The following SMARCAL1 variants were observed in gnomAD, a reference collection of about 807,000 sequenced individuals.
SMARCAL1 encodes the protein SNF2 related chromatin remodeling annealing helicase 1, also known as ATP-driven annealing helicase.
SMARCAL1 carries 58 observed loss-of-function variants against 94.5 expected under a neutral mutation model. That is an observed-to-expected ratio of 0.61 (90% CI 0.50 to 0.76). The LOEUF is 0.76. Ranked by LOEUF, SMARCAL1 falls within the 30% of genes least tolerant of loss-of-function variation. SMARCAL1 has a pLI of 0.00. For synonymous variants in SMARCAL1, 422 were observed against 455.1 expected, an observed-to-expected ratio of 0.93 and a Z score of 0.93; for missense variants, 1,051 against 1,177.9, an observed-to-expected ratio of 0.89 and a Z score of 1.58.
At chr2:216,450,487 T>A (rs1400981269) in intron 11 of SMARCAL1, among the ~76,000 whole-genome samples, 1 of 152,196 alleles carries the variant, frequency 6.6e-6, no homozygotes, top group African/African-American at 2.4e-5. Flanking sequence ...TAGGGAAGAT[T>A]TAGTATTTAG....
intron 8 of SMARCAL1, among the ~76,000 whole-genome samples, chr2:216,434,983 C>T (rs902836768): frequency 2.0e-5 from 3 of 151,424 alleles, no homozygotes; most frequent in African/African-American, 7.3e-5. Context: ...CTCAGCCTTC[C>T]GAGTAGCTGG....
chr2:216,441,590 G>A (rs1694197072), intron 10 of SMARCAL1, among the ~76,000 whole-genome samples: 1 of 152,080 alleles, frequency 6.6e-6, no homozygotes, highest in South Asian at 2.1e-4. Flanking sequence ...TCAGACATGC[G>A]GTTGTTTTCC....
At chr2:216,445,138 T>C (rs750680634) in intron 10 of SMARCAL1, among the ~76,000 whole-genome samples, 3 of 152,220 alleles carry the variant, frequency 2.0e-5, no homozygotes, top group Non-Finnish European at 2.9e-5. Flanking sequence ...TGTAGTTTTA[T>C]AGATTTCTGT....
intron 6 of SMARCAL1, 94 bp downstream of exon 6, chr2:216,423,777 C>A: frequency 8.7e-7 from 1 of 1,154,860 alleles, no homozygotes; most frequent in Non-Finnish European, 1.3e-6. Flanking sequence ...ATCTTCTCCT[C>A]CCTTTGCTGT....
intron 11 of SMARCAL1, among the ~76,000 whole-genome samples, chr2:216,448,846 A>T (rs1694378491): frequency 6.6e-6 from 1 of 152,162 alleles, no homozygotes; most frequent in African/African-American, 2.4e-5. Context: ...AAAAAAAAGA[A>T]AAAAGTAACA....
intron 16 of SMARCAL1, among the ~76,000 whole-genome samples, chr2:216,477,525 C>A (rs569895648): frequency 6.7e-4 from 102 of 152,208 alleles, no homozygotes; most frequent in African/African-American, 2.3e-3. Flanking sequence ...TGTAAAACAC[C>A]CTGTTCCCAG....
chr2:216,449,121 A>C (rs1304792153), intron 11 of SMARCAL1, among the ~76,000 whole-genome samples: 1 of 152,248 alleles, frequency 6.6e-6, no homozygotes, highest in African/African-American at 2.4e-5. Context: ...AGAAGAGGGC[A>C]AGAGCATATG....
At chr2:216,418,883 A>C (rs1693657752) in intron 4 of SMARCAL1, among the ~76,000 whole-genome samples, 1 of 152,220 alleles carries the variant, frequency 6.6e-6, no homozygotes, top group African/African-American at 2.4e-5. Flanking sequence ...TTTGACCTTC[A>C]AGAAATGGTT....
At chr2:216,419,014 T>C (rs939906549) in intron 4 of SMARCAL1, among the ~76,000 whole-genome samples, 1 of 152,274 alleles carries the variant, frequency 6.6e-6, no homozygotes, top group Non-Finnish European at 1.5e-5. Flanking sequence ...GTTGTTTATT[T>C]TTTCCTGCTT....
At chr2:216,451,577 A>G (rs971893654) in intron 12 of SMARCAL1, 1 of 172,378 alleles carries the variant, frequency 5.8e-6, no homozygotes, top group Admixed American at 5.5e-5. Flanking sequence ...GTTGGCAGGA[A>G]GTTGGCATCC....
At chr2:216,463,045 G>A (rs570655314) in intron 12 of SMARCAL1, among the ~76,000 whole-genome samples, 1 of 152,114 alleles carries the variant, frequency 6.6e-6, no homozygotes. Flanking sequence ...CTCCATCCAT[G>A]GTTATTAGTT....
chr2:216,432,960 CT>C, intron 8 of SMARCAL1, 92 bp downstream of exon 8: 1 of 1,499,408 alleles, frequency 6.7e-7, no homozygotes, highest in Non-Finnish European at 9.3e-7. Context: ...GCCTAGGGAT[CT>C]TTAAGGATCC....
rs1693546902 is a variant in SMARCAL1, at chr2:216,414,688, A to C, written c.-17A>C. 1 of 1,610,442 alleles carries C rather than the reference A, an allele frequency of 6.2e-7. No individual in the cohort carries two copies. ...AATTAAAGGTTGACATTCCTGCATA[A>C]GCATTTCTCTGTGAAAATGTCCTTG... is the stretch of plus-strand genomic sequence containing the variant. On this transcript the variant is annotated 5_prime_UTR_variant, in exon 3 of 18. The change abolishes the stop of an existing upstream ORF in the 5' untranslated region. Coordinates refer to ENST00000357276, the MANE Select transcript of SMARCAL1 (RefSeq NM_014140.4).
chr2:216,429,560 G>C (rs895829058), intron 7 of SMARCAL1, among the ~76,000 whole-genome samples: 11 of 152,220 alleles, frequency 7.2e-5, no homozygotes, highest in African/African-American at 2.4e-4. Flanking sequence ...GGAGAAGAAA[G>C]AGGAAGTCTT....
In SMARCAL1 at chr2:216,420,502, C is replaced by T. The variant is rs1381242841; in HGVS notation, c.1066C>T (p.Leu356Phe). The T allele has an allele frequency of 1.2e-6, 2 of 1,614,086 alleles. No homozygotes were observed. Among genetic ancestry groups the T allele is most frequent in the South Asian group, 1.1e-5 (1 of 91,090 alleles). Residue 356 changes from leucine (L) to phenylalanine (F), a missense_variant, in exon 5 of 18, where the codon CTT (leucine) becomes TTT (phenylalanine). Transcript: ENST00000357276. ...CAGTTATTCACAGGACCTTATTGCG[C>T]TTTTTAAACAGATGGATTCCAGAAG... ...DISYSQDLIA[L>F]FKQMDSRRYD...
intron 9 of SMARCAL1, among the ~76,000 whole-genome samples, chr2:216,437,507 A>G (rs984481886): frequency 7.2e-5 from 11 of 152,196 alleles, no homozygotes; most frequent in Middle Eastern, 3.2e-3. Context: ...CTTACTGAGT[A>G]ACAGGGCTGT....
intron 7 of SMARCAL1, 134 bp from the exon 8 acceptor site, chr2:216,432,584 G>T (rs922150889): frequency 2.0e-6 from 2 of 981,560 alleles, no homozygotes; most frequent in Non-Finnish European, 3.2e-6. Flanking sequence ...CTTCTGGGGA[G>T]CAAGTCTGGT....
At chr2:216,428,447 G>A (rs1046922568) in intron 6 of SMARCAL1, 149 bp from the exon 7 acceptor site, 1 of 749,466 alleles carries the variant, frequency 1.3e-6, no homozygotes, top group South Asian at 1.5e-5. Flanking sequence ...TGGGTTAATG[G>A]TCCTGACTAG....
At chr2:216,433,146 A>G (rs1574457037) in intron 8 of SMARCAL1, among the ~76,000 whole-genome samples, 2 of 152,320 alleles carry the variant, frequency 1.3e-5, no homozygotes, top group African/African-American at 2.4e-5. Context: ...GTGCCCTGCT[A>G]ATAATACTTT....
Sources: allele counts gnomAD v4.1 joint callset (sites outside exome capture counted in the v4.1 genomes callset), GRCh38; gene constraint gnomAD v4.1.1; transcripts MANE v1.5; gene names NCBI Gene and HGNC (gene_info 2026-07-23, HGNC 2026-07-21).